BICRA: variants seen among roughly 807,000 people sequenced by gnomAD.
BICRA encodes BRD4 interacting chromatin remodeling complex associated protein.
In BICRA, 31 loss-of-function variants were observed where a neutral mutation model predicts 96.9. That is an observed-to-expected ratio of 0.32 (90% confidence interval 0.24 to 0.43). BICRA has a LOEUF of 0.43. Ranked by LOEUF, BICRA falls within the 20% of genes least tolerant of loss-of-function variation. The probability of loss-of-function intolerance (pLI) is 1.00; values close to 1 mark genes in which losing one functional copy is unlikely to be tolerated. For missense variants in BICRA, 2,283 were observed against 2,190.3 expected, an observed-to-expected ratio of 1.04 and a Z score of -0.84; for synonymous variants, 1,350 against 1,071.8, an observed-to-expected ratio of 1.26 and a Z score of -5.07.
At chr19:47,697,215 C>CAG (rs1973359908) in intron 11 of BICRA, among the ~76,000 whole-genome samples, 1 of 152,006 alleles carries the variant, frequency 6.6e-6, no homozygotes, top group African/African-American at 2.4e-5. Context: ...CCATGTTGGC[C>CAG]TCAAGTGATC....
intron 1 of BICRA, among the ~76,000 whole-genome samples, chr19:47,659,883 G>C (rs1357485998): frequency 6.6e-6 from 1 of 152,072 alleles, no homozygotes; most frequent in Non-Finnish European, 1.5e-5. Flanking sequence ...CCAAGTAGCT[G>C]GGACCACAGG....
rs1450213463 is a variant in BICRA, at chr19:47,664,108, CT to C, written c.-107-6332del. Among the ~76,000 whole-genome samples the C allele has an allele frequency of 4.6e-5, 7 of 152,340 alleles. No individual in the cohort carries two copies. The East Asian group carries it at 1.4e-3, about 29-fold the overall frequency. On this transcript the variant is annotated intron_variant, in intron 1 of 14. Transcript: ENST00000594866. ...GGTGTTTTGAAAAGCAACAGATAGA[CT>C]TTGCCACATCATTTGCACTTCTTAT... is the stretch of plus-strand genomic sequence containing the variant.
intron 1 of BICRA, among the ~76,000 whole-genome samples, chr19:47,624,625 G>T (rs969505826): frequency 6.6e-6 from 1 of 151,912 alleles, no homozygotes; most frequent in Non-Finnish European, 1.5e-5. Flanking sequence ...CCTTCAGTTC[G>T]TAAAAAAATG....
chr19:47,688,200 G>T (rs1164140235), intron 7 of BICRA, among the ~76,000 whole-genome samples: 2 of 151,982 alleles, frequency 1.3e-5, no homozygotes, highest in Non-Finnish European at 2.9e-5. Flanking sequence ...TGAGGCAGGA[G>T]GATCACCTGA....
At chr19:47,672,902 C>T (rs1370735708) in intron 2 of BICRA, among the ~76,000 whole-genome samples, 1 of 152,050 alleles carries the variant, frequency 6.6e-6, no homozygotes, top group African/African-American at 2.4e-5. Context: ...TGACTCAGAG[C>T]GCCCCTCCTC....
At chr19:47,616,458 G>GA (rs1273408478) in intron 1 of BICRA, among the ~76,000 whole-genome samples, 1 of 152,122 alleles carries the variant, frequency 6.6e-6, no homozygotes, top group Non-Finnish European at 1.5e-5. Context: ...CCAACATGGT[G>GA]AAGCCCTGTC....
rs1420217995 is a variant in BICRA, at chr19:47,701,884, C to A, written c.4152C>A (p.Arg1384=). 6.8e-7 allele frequency: 1 copy of A among 1,468,054 alleles called. No homozygotes were observed. Among genetic ancestry groups the A allele is most frequent in the Non-Finnish European group, 9.0e-7 (1 of 1,116,628 alleles). The allele number at this position is 1,468,054 out of a possible 1,614,324, so 90.9% of individuals were successfully genotyped here. A position where few individuals can be genotyped will look rare whatever the true frequency, so the allele number is the denominator to read the frequency against. The change falls in exon 15 of 15, where the codon CGC becomes CGA. Residue 1384 remains arginine, a synonymous_variant. Coordinates refer to ENST00000594866, the MANE Select transcript of BICRA (RefSeq NM_001394372.1). The surrounding 1 kb of genome is among the most constrained non-coding windows in gnomAD (Gnocchi z 5.4). The part of the protein sequence containing the change: ...KPLGTAPHCP[R]LPLRKTYREN... ...TGGGCACCGCCCCGCACTGCCCGCG[C>A]CTGCCACTGCGCAAGACCTACCGCG...
At chr19:47,610,613 C>G (rs1489664631) in intron 1 of BICRA, among the ~76,000 whole-genome samples, 1 of 140,776 alleles carries the variant, frequency 7.1e-6, no homozygotes, top group Non-Finnish European at 1.5e-5. Flanking sequence ...TTGTCACCCC[C>G]CCCCCACACA....
intron 5 of BICRA, 65 bp from the exon 6 acceptor site, chr19:47,679,256 C>A: frequency 8.2e-7 from 1 of 1,212,394 alleles, no homozygotes; most frequent in East Asian, 3.0e-5. Context: ...TTTGCGGCAG[C>A]TGTGGCCTAA....
At chr19:47,620,379 C>T (rs1972046815) in intron 1 of BICRA, among the ~76,000 whole-genome samples, 1 of 151,770 alleles carries the variant, frequency 6.6e-6, no homozygotes, top group African/African-American at 2.4e-5. Context: ...AAAAAGTGTC[C>T]CACTGGCCAG....
At position 47,699,598 on chromosome 19, in the gene BICRA, A is replaced by C. The variant is rs1398909052; in HGVS notation, c.3595+193A>C. 2.6e-5 allele frequency among the ~76,000 whole-genome samples: 4 copies of C among 151,992 alleles called. No individual in the cohort carries two copies. The highest frequency in any genetic ancestry group is 5.9e-5 in the Non-Finnish European group (4 of 67,982). On this transcript the variant is annotated intron_variant, in intron 14 of 14. Coordinates refer to ENST00000594866, the MANE Select transcript of BICRA (RefSeq NM_001394372.1). This position sits in a 1 kb window ranked among gnomAD's most constrained non-coding sequence, Gnocchi z 5.0. ...CCGCCTCTCAGACCAGATAGCCCAC[A>C]TCCATCTTCCTCCATCCCTGTGTGG...
intron 4 of BICRA, among the ~76,000 whole-genome samples, chr19:47,674,237 AG>A (rs1972908622): frequency 6.7e-6 from 1 of 150,332 alleles, no homozygotes; most frequent in Non-Finnish European, 1.5e-5. Context: ...GTTGAGGAAC[AG>A]GAAGGAGGCT....
intron 1 of BICRA, among the ~76,000 whole-genome samples, chr19:47,643,900 C>T (rs1972419736): frequency 1.3e-5 from 2 of 152,104 alleles, no homozygotes; most frequent in African/African-American, 4.8e-5. Flanking sequence ...GTTCCGATGT[C>T]CATTTTGTAG....
Position 47,698,545 on chromosome 19 carries a change from C to T in BICRA, c.3249-89C>T, listed in dbSNP as rs1973384452. 1.4e-6 allele frequency: 1 copy of T among 707,672 alleles called. No individual in the cohort carries two copies. Among genetic ancestry groups the T allele is most frequent in the African/African-American group, 1.7e-5 (1 of 57,176 alleles). 43.8% of individuals were successfully genotyped at this position (707,672 alleles called of 1,614,324 possible). The stretch of plus-strand genomic sequence containing the variant: ...TCCCGCTGTTGTGTTCAGTTGCGGC[C>T]TGGGGCTGAGGGTTCAGGGACTTCC... On this transcript the variant is annotated intron_variant, in intron 11 of 14. Transcript: ENST00000594866. This position sits in a 1 kb window ranked among gnomAD's most constrained non-coding sequence, Gnocchi z 4.8.
chr19:47,680,569 C>T lies in BICRA; in HGVS notation c.1399C>T (p.Pro467Ser), dbSNP rs1272044786. Residue 467 changes from proline to serine, a missense_variant, in exon 6 of 15, where the codon CCG becomes TCG. By Grantham distance (74) the Pro-to-Ser change is moderately conservative. Coordinates refer to ENST00000594866, the MANE Select transcript of BICRA (RefSeq NM_001394372.1). ...CGTCATCCCCGCCCAGCACATGCTG[C>T]CGGGCCAGAACCAGTTCCTACTGCC... is the stretch of plus-strand genomic sequence containing the variant. ...SIVIPAQHML[P>S]GQNQFLLPGA... is the part of the protein sequence containing the mutation. The T allele has an allele frequency of 5.0e-6, 8 of 1,599,648 alleles. No homozygotes were observed. The highest frequency in any genetic ancestry group is 1.7e-5 in the Admixed American group (1 of 58,228).
intron 1 of BICRA, among the ~76,000 whole-genome samples, chr19:47,627,544 A>C (rs1972159022): frequency 6.6e-6 from 1 of 152,164 alleles, no homozygotes; most frequent in South Asian, 2.1e-4. Flanking sequence ...GTCAGCACAT[A>C]TGCTAGCACT....
In BICRA at chr19:47,702,762, C is replaced by T; in HGVS notation, c.*347C>T. On this transcript the variant is annotated 3_prime_UTR_variant, in exon 15 of 15. Transcript: ENST00000594866. ...CAGGGATGGGGCCACCGGGTTGATG[C>T]CAACGCTCCGGGTGCCTGTCTTGTC... 3.1e-6 allele frequency: 1 copy of T among 317,534 alleles called. No homozygotes were observed. The highest frequency in any genetic ancestry group is 4.4e-5 in the South Asian group (1 of 22,592). 19.7% of individuals were successfully genotyped at this position (317,534 alleles called of 1,614,324 possible). A position where few individuals can be genotyped will look rare whatever the true frequency, so the allele number is the denominator to read the frequency against.
intron 8 of BICRA, 30 bp from the exon 9 acceptor site, chr19:47,694,870 C>G: frequency 6.8e-7 from 1 of 1,475,642 alleles, no homozygotes; most frequent in Non-Finnish European, 9.0e-7. Context: ...CCTATGTTCC[C>G]CACCCCTCAT....
At chr19:47,610,579 C>T (rs935117368) in intron 1 of BICRA, among the ~76,000 whole-genome samples, 1 of 148,772 alleles carries the variant, frequency 6.7e-6, no homozygotes, top group Non-Finnish European at 1.5e-5. Context: ...GTGCCCAGGC[C>T]CATGTCCTGA....
Sources: allele counts gnomAD v4.1 joint callset (sites outside exome capture counted in the v4.1 genomes callset), GRCh38; gene constraint gnomAD v4.1.1; non-coding constraint Gnocchi (gnomAD v3.1); transcripts MANE v1.5; gene names NCBI Gene and HGNC (gene_info 2026-07-23, HGNC 2026-07-21).